RFC1: variants seen among roughly 807,000 people sequenced by gnomAD.
RFC1 encodes replication factor C subunit 1, also known as A1 140 kDa subunit.
In RFC1, 37 loss-of-function variants were observed where a neutral mutation model predicts 137.4. That is an observed-to-expected ratio of 0.27 (90% CI 0.21 to 0.35). The LOEUF is 0.35. Ranked by LOEUF, RFC1 falls within the 10% of genes least tolerant of loss-of-function variation. RFC1 has a pLI of 1.00. For synonymous variants in RFC1, 429 were observed against 455.7 expected, an observed-to-expected ratio of 0.94 and a Z score of 0.75; for missense variants, 1,205 against 1,358.5, an observed-to-expected ratio of 0.89 and a Z score of 1.78.
intron 5 of RFC1, 45 bp from the exon 6 acceptor site, chr4:39,326,685 T>C (rs370242543): frequency 2.0e-4 from 303 of 1,520,368 alleles, no homozygotes; most frequent in Non-Finnish European, 2.6e-4. Flanking sequence ...AAACCTTAAG[T>C]TAAAAATAAG....
chr4:39,365,324 C>T (rs1011426019), intron 1 of RFC1: 37 of 346,048 alleles, frequency 1.1e-4, no homozygotes, highest in Non-Finnish European at 1.3e-4. Flanking sequence ...CGCCCCCCCC[C>T]AGAATGTTGT....
At chr4:39,331,839 G>T (rs1417988362) in intron 4 of RFC1, among the ~76,000 whole-genome samples, 2 of 152,082 alleles carry the variant, frequency 1.3e-5, no homozygotes, top group African/African-American at 4.8e-5. Context: ...AGGGAAATAT[G>T]GGTAATTTTT....
intron 2 of RFC1, among the ~76,000 whole-genome samples, chr4:39,348,422 C>CAAAAAG: frequency 2.2e-5 from 1 of 46,182 alleles, no homozygotes; most frequent in South Asian, 7.1e-4. Context: ...GACTCTGTTT[C>CAAAAAG]AAAAAAGAAA....
chr4:39,311,701 A>G, intron 11 of RFC1, 152 bp from the exon 12 acceptor site: 1 of 574,742 alleles, frequency 1.7e-6, no homozygotes, highest in Non-Finnish European at 3.1e-6. Flanking sequence ...AAAACAAAAA[A>G]TAGCACATTC....
chr4:39,332,078 T>G (rs915546892), intron 4 of RFC1, among the ~76,000 whole-genome samples: 1 of 152,256 alleles, frequency 6.6e-6, no homozygotes, highest in African/African-American at 2.4e-5. Flanking sequence ...ACTTGAGACG[T>G]GCCTTTCACC....
chr4:39,302,157 A>G lies in RFC1; in HGVS notation c.2535+121T>C, dbSNP rs1005503151. The G allele has an allele frequency of 4.3e-5, 28 of 654,112 alleles. No individual in the cohort carries two copies. In the Admixed American group the frequency reaches 5.2e-4, roughly 12 times the overall value. 40.5% of individuals were successfully genotyped at this position (654,112 alleles called of 1,614,324 possible). A position where few individuals can be genotyped will look rare whatever the true frequency, so the allele number is the denominator to read the frequency against. On this transcript the variant is annotated intron_variant, in intron 19 of 24. Transcript: ENST00000349703. ...TCAGCAGCTGTCTATACTTCCTACT[A>G]TATATCCCTGGATTCCACAGGCATA...
intron 2 of RFC1, among the ~76,000 whole-genome samples, chr4:39,346,471 C>T (rs1165104331): frequency 4.7e-5 from 7 of 147,464 alleles, no homozygotes; most frequent in Non-Finnish European, 7.4e-5. Context: ...AGCAAAATTC[C>T]GTCTCAAAAA....
intron 22 of RFC1, 82 bp downstream of exon 22, chr4:39,295,532 T>C: frequency 2.5e-6 from 3 of 1,182,800 alleles, no homozygotes; most frequent in Non-Finnish European, 3.5e-6. Context: ...AACACAAATC[T>C]TTTGACTCAC....
chr4:39,364,252 G>A (rs1377848888), intron 1 of RFC1, among the ~76,000 whole-genome samples: 2 of 107,588 alleles, frequency 1.9e-5, no homozygotes, highest in African/African-American at 3.0e-5. Context: ...CATACCCAAC[G>A]ACACAGTCTG....
intron 7 of RFC1, 104 bp from the exon 8 acceptor site, chr4:39,321,478 T>A: frequency 1.0e-6 from 1 of 954,218 alleles, no homozygotes; most frequent in Non-Finnish European, 1.6e-6. Flanking sequence ...ACCTTTCAAC[T>A]AGCAGGACAC....
chr4:39,330,906 TAC>T (rs763485501), intron 4 of RFC1, among the ~76,000 whole-genome samples: 7 of 150,900 alleles, frequency 4.6e-5, no homozygotes, highest in Non-Finnish European at 8.9e-5. Flanking sequence ...TATATATATA[TAC>T]ACACACACAC....
intron 2 of RFC1, among the ~76,000 whole-genome samples, chr4:39,346,500 T>C (rs1740867916): frequency 6.7e-6 from 1 of 149,836 alleles, no homozygotes. Context: ...AAGTACTAAA[T>C]AAAACCAATG....
chr4:39,312,339 A>G (rs1456187832), intron 11 of RFC1, among the ~76,000 whole-genome samples: 3 of 152,210 alleles, frequency 2.0e-5, no homozygotes, highest in Non-Finnish European at 1.5e-5. Flanking sequence ...ACGGTTAATC[A>G]GATATTCTGC....
chr4:39,348,428 A>AGGAAAGGAAAG (rs1553926604), intron 2 of RFC1, among the ~76,000 whole-genome samples: 1 of 37,966 alleles, frequency 2.6e-5, no homozygotes, highest in African/African-American at 7.0e-5. Flanking sequence ...GTTTCAAAAA[A>AGGAAAGGAAAG]GAAAAGAAAA....
chr4:39,331,333 C>T (rs1740089766), intron 4 of RFC1, among the ~76,000 whole-genome samples: 2 of 152,288 alleles, frequency 1.3e-5, no homozygotes, highest in Non-Finnish European at 2.9e-5. Flanking sequence ...TAGTTTCCTA[C>T]CACCTTAAAA....
At chr4:39,321,506 C>G in intron 7 of RFC1, 132 bp from the exon 8 acceptor site, 1 of 676,868 alleles carries the variant, frequency 1.5e-6, no homozygotes. Context: ...AACTGTCATT[C>G]ATTCATCCAC....
chr4:39,343,179 C>T (rs1488271666), intron 3 of RFC1, among the ~76,000 whole-genome samples: 1 of 152,142 alleles, frequency 6.6e-6, no homozygotes. Flanking sequence ...CGTGCCACCA[C>T]GCCCAGATAA....
intron 4 of RFC1, 44 bp from the exon 5 acceptor site, chr4:39,327,800 C>T (rs751677410): frequency 4.3e-6 from 6 of 1,392,928 alleles, no homozygotes; most frequent in East Asian, 2.4e-5. Context: ...AACATCAATT[C>T]GGTTATACAA....
At chr4:39,323,438 GTGAGT>G (rs1490525319) in intron 6 of RFC1, 21 bp from the exon 7 acceptor site, 1 of 1,603,702 alleles carries the variant, frequency 6.2e-7, no homozygotes, top group Non-Finnish European at 8.5e-7. Context: ...TGTCAGCAAA[GTGAGT>G]TGAGTTGCTC....
Sources: allele counts gnomAD v4.1 joint callset (sites outside exome capture counted in the v4.1 genomes callset), GRCh38; gene constraint gnomAD v4.1.1; transcripts MANE v1.5; gene names NCBI Gene and HGNC (gene_info 2026-07-23, HGNC 2026-07-21).